Variants in CACNA2D3 observed in about 807,000 individuals in gnomAD.
CACNA2D3 encodes calcium voltage-gated channel auxiliary subunit alpha2delta 3.
CACNA2D3 carries 60 observed loss-of-function variants against 160.6 expected under a neutral mutation model. The observed-to-expected ratio is 0.37, with a 90% CI of 0.30 to 0.46. The LOEUF (loss-of-function observed/expected upper bound fraction) is 0.46. CACNA2D3 is among the 20% of genes least tolerant of loss of function. The pLI is 1.00. For synonymous variants in CACNA2D3, 558 were observed against 492.9 expected (o/e 1.13, Z -1.75); for missense variants, 1,205 against 1,365.0 (o/e 0.88, Z 1.85).
At chr3:55,008,885 C>CCACACACGCACACA (rs1559462256) in intron 33 of CACNA2D3, among the ~76,000 whole-genome samples, 2 of 55,066 alleles carry the variant, frequency 3.6e-5, no homozygotes, top group African/African-American at 1.4e-4. Context: ...CCACCTCCCT[C>CCACACACGCACACA]TATACACACA....
chr3:54,413,014 T>C (rs1303324012), intron 4 of CACNA2D3, among the ~76,000 whole-genome samples: 1 of 151,900 alleles, frequency 6.6e-6, no homozygotes, highest in African/African-American at 2.4e-5. Context: ...TGAGTTTCCA[T>C]TTGTTATTTC....
At chr3:54,744,480 T>C (rs968714479) in intron 11 of CACNA2D3, among the ~76,000 whole-genome samples, 2 of 152,134 alleles carry the variant, frequency 1.3e-5, no homozygotes, top group African/African-American at 4.8e-5. Flanking sequence ...AGGAGAAGGT[T>C]TATAGCCACT....
intron 3 of CACNA2D3, among the ~76,000 whole-genome samples, chr3:54,330,717 C>A (rs957524837): frequency 6.6e-5 from 10 of 152,236 alleles, no homozygotes; most frequent in Non-Finnish European, 1.0e-4. Flanking sequence ...CAGAGCCCTG[C>A]AGGCAGCCTC....
At chr3:54,928,623 A>G (rs146770246) in intron 27 of CACNA2D3, among the ~76,000 whole-genome samples, 1 of 152,234 alleles carries the variant, frequency 6.6e-6, no homozygotes, top group East Asian at 1.9e-4. Flanking sequence ...GGTTTCCTTT[A>G]GTGGACATCA....
In CACNA2D3 at chr3:54,775,090, C is replaced by G. The variant is rs562950757; in HGVS notation, c.1380+10739C>G. Among the ~76,000 whole-genome samples the G allele has an allele frequency of 5.9e-5, 9 of 152,218 alleles. No homozygotes were observed. The East Asian group carries it at 1.7e-3, about 29-fold the overall frequency. ...TTGCCTTTCAGCATTTATATTAAGC[C>G]TATGATAGATAGGCCTGTTTGAGTC... On this transcript the variant is annotated intron_variant, in intron 13 of 37. Transcript: ENST00000474759.
chr3:54,171,136 C>CTTTTGTTTTTTTTTTTTTTTTTTTTTTT (rs1700558061), intron 2 of CACNA2D3, among the ~76,000 whole-genome samples: 1 of 62,542 alleles, frequency 1.6e-5, no homozygotes, highest in Non-Finnish European at 2.9e-5. Context: ...AAGATGATGA[C>CTTTTGTTTTTTTTTTTTTTTTTTTTTTT]TTTTTTTTTT....
At chr3:54,897,983 C>G (rs751921971) in intron 26 of CACNA2D3, among the ~76,000 whole-genome samples, 21 of 152,066 alleles carry the variant, frequency 1.4e-4, no homozygotes, top group Non-Finnish European at 1.0e-4. Flanking sequence ...GGTCTGTGCT[C>G]CTTTGCTGAT....
chr3:54,766,583 AC>A (rs1702228632), intron 13 of CACNA2D3, among the ~76,000 whole-genome samples: 1 of 151,674 alleles, frequency 6.6e-6, no homozygotes, highest in African/African-American at 2.4e-5. Context: ...CAGCAATCTT[AC>A]TTCTAAGAAT....
At chr3:55,037,806 A>C (rs555059592) in intron 35 of CACNA2D3, among the ~76,000 whole-genome samples, 1 of 152,330 alleles carries the variant, frequency 6.6e-6, no homozygotes, top group South Asian at 2.1e-4. Flanking sequence ...CATATTTTTA[A>C]AAGCAAAAAC....
chr3:54,993,898 GTGTGTGTGTGTGTGTGTGTGTGTTT>G (rs1702795254), intron 31 of CACNA2D3, among the ~76,000 whole-genome samples: 1 of 145,320 alleles, frequency 6.9e-6, no homozygotes, highest in Non-Finnish European at 1.5e-5. Context: ...GTGTGTGTGT[GTGTGTGTGTGTGTGTGTGTGTGTTT>G]TGTGTGTGTG....
chr3:54,526,890 C>A (rs764737243), intron 5 of CACNA2D3, among the ~76,000 whole-genome samples: 3 of 152,188 alleles, frequency 2.0e-5, no homozygotes, highest in Non-Finnish European at 2.9e-5. Context: ...AGGGTTTCAC[C>A]ATGTTGGTTA....
At chr3:54,156,459 G>A (rs1700245677) in intron 2 of CACNA2D3, among the ~76,000 whole-genome samples, 1 of 152,214 alleles carries the variant, frequency 6.6e-6, no homozygotes, top group South Asian at 2.1e-4. Flanking sequence ...GTGAGCGGAT[G>A]TGAAGTGGAG....
chr3:54,354,048 G>A (rs1698608162), intron 3 of CACNA2D3, among the ~76,000 whole-genome samples: 1 of 152,122 alleles, frequency 6.6e-6, no homozygotes, highest in Admixed American at 6.5e-5. Context: ...TTTAAGGGCA[G>A]TTATCATGTC....
intron 27 of CACNA2D3, among the ~76,000 whole-genome samples, chr3:54,930,778 A>G (rs1701167999): frequency 6.6e-6 from 1 of 152,228 alleles, no homozygotes; most frequent in Non-Finnish European, 1.5e-5. Context: ...TGCCTAGCAC[A>G]TATCTGGTAG....
chr3:54,149,255 G>GA (rs983563174), intron 2 of CACNA2D3, among the ~76,000 whole-genome samples: 3 of 138,910 alleles, frequency 2.2e-5, no homozygotes, highest in African/African-American at 8.5e-5. Flanking sequence ...ACTACAGCAA[G>GA]GGGTCCCATG....
At chr3:54,871,085 CA>C (rs1559611236) in intron 17 of CACNA2D3, among the ~76,000 whole-genome samples, 9 of 122,626 alleles carry the variant, frequency 7.3e-5, no homozygotes, top group South Asian at 2.5e-4. Context: ...CACACACACA[CA>C]CACACACCAT....
At chr3:54,264,011 C>A (rs1020666558) in intron 2 of CACNA2D3, among the ~76,000 whole-genome samples, 3 of 152,134 alleles carry the variant, frequency 2.0e-5, no homozygotes, top group Non-Finnish European at 4.4e-5. Flanking sequence ...ATGTTGCCTT[C>A]TATGTTACAT....
intron 14 of CACNA2D3, among the ~76,000 whole-genome samples, chr3:54,831,570 A>C (rs1703878340): frequency 6.6e-6 from 1 of 152,238 alleles, no homozygotes; most frequent in South Asian, 2.1e-4. Flanking sequence ...ATAAAATTCT[A>C]GTGACAATAG....
At chr3:54,910,652 C>G (rs1219329745) in intron 27 of CACNA2D3, among the ~76,000 whole-genome samples, 1 of 152,108 alleles carries the variant, frequency 6.6e-6, no homozygotes, top group East Asian at 1.9e-4. Context: ...ACTCTCAAGG[C>G]TTTGAACACT....
Sources: allele counts gnomAD v4.1 joint callset (sites outside exome capture counted in the v4.1 genomes callset), GRCh38; gene constraint gnomAD v4.1.1; transcripts MANE v1.5; gene names NCBI Gene and HGNC (gene_info 2026-07-23, HGNC 2026-07-21).